PDZD8: variants seen among roughly 807,000 people sequenced by gnomAD.
The protein encoded by PDZD8 is PDZ domain containing 8.
Under a neutral mutation model 85.8 loss-of-function variants are expected in PDZD8, and 14 were observed. The ratio of observed to expected loss-of-function variants is 0.16; its 90% CI spans 0.11 to 0.26. The LOEUF is 0.26. Among genes scored for constraint, PDZD8 ranks in the 10% least tolerant of loss-of-function variants. PDZD8 has a pLI of 1.00. For synonymous variants in PDZD8, 592 were observed against 568.6 expected, an observed-to-expected ratio of 1.04 and a Z score of -0.59; for missense variants, 1,197 against 1,424.3, an observed-to-expected ratio of 0.84 and a Z score of 2.57.
chr10:117,309,295 C>T (rs923116761), intron 3 of PDZD8, among the ~76,000 whole-genome samples: 3 of 151,470 alleles, frequency 2.0e-5, no homozygotes, highest in Admixed American at 6.6e-5. Context: ...TTTTCTTTAC[C>T]CTATATGAAA....
intron 3 of PDZD8, among the ~76,000 whole-genome samples, chr10:117,317,522 G>A (rs1844150019): frequency 1.3e-5 from 2 of 152,032 alleles, no homozygotes; most frequent in South Asian, 4.1e-4. Context: ...CAAGATTAAA[G>A]TCTTACCAAT....
At chr10:117,315,523 G>T (rs1031693574) in intron 3 of PDZD8, among the ~76,000 whole-genome samples, 5 of 147,936 alleles carry the variant, frequency 3.4e-5, no homozygotes, top group African/African-American at 1.3e-4. Flanking sequence ...CCAGGAGGTG[G>T]AGGTTGCAGT....
At chr10:117,298,632 T>C (rs1843795322) in intron 3 of PDZD8, among the ~76,000 whole-genome samples, 1 of 152,156 alleles carries the variant, frequency 6.6e-6, no homozygotes. Flanking sequence ...GACTTTATAT[T>C]CTTCCCTCTT....
intron 4 of PDZD8, 102 bp downstream of exon 4, chr10:117,290,084 T>C (rs768474852): frequency 9.5e-5 from 93 of 983,266 alleles, no homozygotes; most frequent in Non-Finnish European, 1.3e-4. Flanking sequence ...AAGTGACATA[T>C]GCATATTATA....
At chr10:117,305,515 C>T (rs60659552) in intron 3 of PDZD8, among the ~76,000 whole-genome samples, 7,031 of 135,852 alleles carry the variant, frequency 0.052, 468 homozygotes, top group African/African-American at 0.16. Flanking sequence ...CACACACACA[C>T]ATATATGGAG....
chr10:117,359,982 T>C (rs904008278), intron 1 of PDZD8, among the ~76,000 whole-genome samples: 1 of 148,724 alleles, frequency 6.7e-6, no homozygotes, highest in Admixed American at 6.8e-5. Flanking sequence ...GGATAACAAA[T>C]ACTGTTACAA....
At chr10:117,353,971 A>G (rs1844850403) in intron 1 of PDZD8, among the ~76,000 whole-genome samples, 1 of 152,112 alleles carries the variant, frequency 6.6e-6, no homozygotes, top group Admixed American at 6.5e-5. Flanking sequence ...TGAGTTAAAC[A>G]CCCTTTCTTC....
chr10:117,299,822 G>A (rs1843815944), intron 3 of PDZD8, among the ~76,000 whole-genome samples: 1 of 152,060 alleles, frequency 6.6e-6, no homozygotes, highest in Non-Finnish European at 1.5e-5. Flanking sequence ...GGAATTCAGA[G>A]ATTTCTTCTT....
chr10:117,357,766 C>A (rs112211072), intron 1 of PDZD8, among the ~76,000 whole-genome samples: 24,612 of 47,050 alleles, frequency 0.52, 5,194 homozygotes, highest in Middle Eastern at 0.69. Flanking sequence ...ACTTCATCTC[C>A]AAAAAAAAAA....
intron 3 of PDZD8, among the ~76,000 whole-genome samples, chr10:117,290,669 C>T (rs3026074): frequency 0.022 from 3,348 of 152,058 alleles, 109 homozygotes; most frequent in African/African-American, 0.074. Context: ...ATTATACAAT[C>T]TAGAACTATT....
intron 1 of PDZD8, among the ~76,000 whole-genome samples, chr10:117,355,834 C>T (rs995293274): frequency 6.6e-6 from 1 of 152,020 alleles, no homozygotes; most frequent in Non-Finnish European, 1.5e-5. Context: ...TGACATATAC[C>T]TTAAAATGGC....
At chr10:117,299,867 G>T (rs1387503190) in intron 3 of PDZD8, among the ~76,000 whole-genome samples, 1 of 152,056 alleles carries the variant, frequency 6.6e-6, no homozygotes, top group Non-Finnish European at 1.5e-5. Flanking sequence ...TCTTTTGGGG[G>T]TTTTATAGAA....
rs1844554117 is a variant in PDZD8 at position 117,279,862 on chromosome 10, T to G, written c.*3406A>C. On this transcript the variant is annotated 3_prime_UTR_variant, in exon 5 of 5. Transcript: ENST00000334464. ...TCTTTAATCAGATCCTAAAAGCGGATCTATGGCCCAAAAGGAATTAGGGGA... is the reference window on the plus strand; with the variant it reads ...TCTTTAATCAGATCCTAAAAGCGGAGCTATGGCCCAAAAGGAATTAGGGGA... 6.6e-6 allele frequency: 1 copy of G among 152,178 alleles called. No individual in the cohort carries two copies. The highest frequency in any genetic ancestry group is 2.4e-5 in the African/African-American group (1 of 41,448). The allele number at this position is 152,178 out of a possible 1,614,324, so 9.4% of individuals were successfully genotyped here.
intron 2 of PDZD8, among the ~76,000 whole-genome samples, chr10:117,319,179 T>C (rs1844182509): frequency 6.6e-6 from 1 of 152,068 alleles, no homozygotes; most frequent in Non-Finnish European, 1.5e-5. Context: ...TTCCAGGATA[T>C]GCTATTTTTC....
intron 1 of PDZD8, among the ~76,000 whole-genome samples, chr10:117,344,086 T>A (rs965109361): frequency 2.6e-5 from 4 of 152,154 alleles, no homozygotes; most frequent in Non-Finnish European, 5.9e-5. Context: ...CGCAAAATAG[T>A]CTTAACAAAC....
chr10:117,354,596 CCAGT>C (rs1844861299), intron 1 of PDZD8, among the ~76,000 whole-genome samples: 1 of 150,634 alleles, frequency 6.6e-6, no homozygotes, highest in Non-Finnish European at 1.5e-5. Context: ...AATAGAGAGA[CCAGT>C]CAAAGTTAGA....
At chr10:117,302,739 G>C (rs1843867863) in intron 3 of PDZD8, among the ~76,000 whole-genome samples, 1 of 152,192 alleles carries the variant, frequency 6.6e-6, no homozygotes, top group Non-Finnish European at 1.5e-5. Context: ...ATTGAATCAA[G>C]AGGGCCAGTC....
chr10:117,360,012 C>T (rs1844968953), intron 1 of PDZD8, among the ~76,000 whole-genome samples: 1 of 152,100 alleles, frequency 6.6e-6, no homozygotes, highest in South Asian at 2.1e-4. Flanking sequence ...TTCTCCTGCT[C>T]ATCCATATAC....
intron 1 of PDZD8, among the ~76,000 whole-genome samples, chr10:117,361,984 T>C (rs1845006639): frequency 6.6e-6 from 1 of 152,134 alleles, no homozygotes; most frequent in Non-Finnish European, 1.5e-5. Context: ...TGGATTTTGG[T>C]ATCCTGGTGG....
Sources: gnomAD v4.1 joint callset for allele counts (sites outside exome capture counted in the v4.1 genomes callset) on GRCh38, gnomAD v4.1.1 for gene constraint, MANE v1.5 for transcripts, NCBI Gene and HGNC (gene_info 2026-07-23, HGNC 2026-07-21) for gene names.